Variants in LAMC1 observed in about 807,000 individuals in gnomAD.
LAMC1 encodes the protein laminin subunit gamma-1.
LAMC1 carries 38 observed loss-of-function variants against 173.6 expected under a neutral mutation model. The ratio of observed to expected loss-of-function variants is 0.22; its 90% CI spans 0.17 to 0.29. LAMC1 has a LOEUF of 0.29. Among genes scored for constraint, LAMC1 ranks in the 10% least tolerant of loss-of-function variants. LAMC1 has a pLI of 1.00. For missense variants in LAMC1, 1,824 were observed against 2,051.8 expected, an observed-to-expected ratio of 0.89 and a Z score of 2.14; for synonymous variants, 746 against 749.1, an observed-to-expected ratio of 1.00 and a Z score of 0.07.
At chr1:183,070,668 A>G (rs1434143525) in intron 1 of LAMC1, among the ~76,000 whole-genome samples, 2 of 152,206 alleles carry the variant, frequency 1.3e-5, no homozygotes, top group Non-Finnish European at 2.9e-5. Flanking sequence ...TTGGGGCTTA[A>G]GGAGAAAATA....
intron 2 of LAMC1, among the ~76,000 whole-genome samples, chr1:183,104,908 T>A (rs1474153597): frequency 7.2e-5 from 11 of 151,874 alleles, no homozygotes; most frequent in Admixed American, 7.2e-4. Flanking sequence ...ATAGCTGATT[T>A]TGATAGATGA....
At chr1:183,129,719 T>C (rs1277306295) in intron 18 of LAMC1, among the ~76,000 whole-genome samples, 3 of 152,206 alleles carry the variant, frequency 2.0e-5, no homozygotes, top group Non-Finnish European at 4.4e-5. Context: ...TATTTATCTT[T>C]TGATTTGTTA....
At chr1:183,125,184 TCACGCTAAG>T in intron 14 of LAMC1, 1 of 599,912 alleles carries the variant, frequency 1.7e-6, no homozygotes, top group Non-Finnish European at 2.9e-6. Context: ...ATGTTTTTTC[TCACGCTAAG>T]CCTTCAAAAT....
chr1:183,043,211 T>TA (rs2102016676), intron 1 of LAMC1, among the ~76,000 whole-genome samples: 1 of 152,266 alleles, frequency 6.6e-6, no homozygotes, highest in Non-Finnish European at 1.5e-5. Flanking sequence ...GGGTGTATGT[T>TA]ACATAACACC....
Position 183,128,470 on chromosome 1 carries a change from TAAA to T in LAMC1, c.3124-111_3124-109del, listed in dbSNP as rs59134708. 0.42 allele frequency: 258,492 copies of T among 612,068 alleles called. 48,840 individuals carry two copies. Among genetic ancestry groups the T allele is most frequent in the Middle Eastern group, 0.47 (923 of 1,948 alleles). The allele number at this position is 612,068 out of a possible 1,614,324, so 37.9% of individuals were successfully genotyped here. ...CTAAAACTTAAAGTATAATAATAAT[TAAA>T]AAAAAAAAAAAAGAACTACATATTC... On this transcript the variant is annotated intron_variant, in intron 17 of 27. Coordinates refer to ENST00000258341, the MANE Select transcript of LAMC1 (RefSeq NM_002293.4).
At chr1:183,026,431 A>G (rs745657589) in intron 1 of LAMC1, among the ~76,000 whole-genome samples, 2 of 151,952 alleles carry the variant, frequency 1.3e-5, no homozygotes, top group Admixed American at 1.3e-4. Context: ...TGACAAGGTT[A>G]TATGTATACA....
intron 19 of LAMC1, 24 bp from the exon 20 acceptor site, chr1:183,131,275 A>G: frequency 6.3e-7 from 1 of 1,581,680 alleles, no homozygotes; most frequent in Non-Finnish European, 8.7e-7. Flanking sequence ...TCCTTTGAGA[A>G]TAAGTGCTTT....
At chr1:183,060,339 G>T (rs1654710492) in intron 1 of LAMC1, among the ~76,000 whole-genome samples, 1 of 150,392 alleles carries the variant, frequency 6.6e-6, no homozygotes, top group African/African-American at 2.5e-5. Flanking sequence ...GATTGCTTGA[G>T]CCCAGGAGTT....
chr1:183,136,876 T>C (rs1656959851), intron 25 of LAMC1, among the ~76,000 whole-genome samples: 1 of 152,144 alleles, frequency 6.6e-6, no homozygotes, highest in African/African-American at 2.4e-5. Flanking sequence ...AAATCAGACT[T>C]TTTCTAAATA....
chr1:183,044,608 T>C (rs1048625539), intron 1 of LAMC1, among the ~76,000 whole-genome samples: 1 of 151,878 alleles, frequency 6.6e-6, no homozygotes, highest in Non-Finnish European at 1.5e-5. Context: ...TTTGGAAGGG[T>C]GTTTGGAAGA....
At chr1:183,116,541 C>A in intron 6 of LAMC1, 36 bp from the exon 7 acceptor site, 1 of 1,403,624 alleles carries the variant, frequency 7.1e-7, no homozygotes, top group Non-Finnish European at 1.0e-6. Context: ...AGTTTTCTCC[C>A]TTCTCTGATT....
intron 1 of LAMC1, among the ~76,000 whole-genome samples, chr1:183,077,076 G>C (rs1384412858): frequency 1.3e-5 from 2 of 152,196 alleles, no homozygotes; most frequent in Non-Finnish European, 2.9e-5. Context: ...ATACTTTGGA[G>C]AACAGTGTGG....
At chr1:183,124,193 A>G (rs1656556492) in intron 13 of LAMC1, among the ~76,000 whole-genome samples, 1 of 152,234 alleles carries the variant, frequency 6.6e-6, no homozygotes, top group Non-Finnish European at 1.5e-5. Context: ...TGCCTCTTAC[A>G]TTTTAAGAGA....
intron 11 of LAMC1, 108 bp from the exon 12 acceptor site, chr1:183,121,615 T>G (rs1656476306): frequency 1.1e-6 from 1 of 893,440 alleles, no homozygotes. Context: ...AGCAAATGGC[T>G]AATTTTCTCT....
chr1:183,069,176 G>A (rs1173343820), intron 1 of LAMC1, among the ~76,000 whole-genome samples: 1 of 152,094 alleles, frequency 6.6e-6, no homozygotes, highest in East Asian at 1.9e-4. Flanking sequence ...TCATTGTCAG[G>A]ACTCTGGGTC....
chr1:183,118,552 G>A (rs1005986441), intron 11 of LAMC1, among the ~76,000 whole-genome samples: 6 of 151,912 alleles, frequency 3.9e-5, no homozygotes, highest in South Asian at 2.1e-4. Context: ...GTGGAACCCC[G>A]TCTCTATTAA....
intron 1 of LAMC1, among the ~76,000 whole-genome samples, chr1:183,100,963 C>T (rs140914295): frequency 3.3e-5 from 5 of 152,308 alleles, no homozygotes; most frequent in Admixed American, 3.3e-4. Flanking sequence ...GCTTTCTGGA[C>T]ATTTTGCTAC....
intron 1 of LAMC1, among the ~76,000 whole-genome samples, chr1:183,066,607 A>G (rs1299121913): frequency 2.0e-5 from 3 of 152,222 alleles, no homozygotes; most frequent in Non-Finnish European, 2.9e-5. Context: ...CATAAACACC[A>G]TGGAATACTA....
At chr1:183,056,448 A>G (rs1412515664) in intron 1 of LAMC1, among the ~76,000 whole-genome samples, 4 of 151,962 alleles carry the variant, frequency 2.6e-5, no homozygotes, top group African/African-American at 9.7e-5. Context: ...TGGTGTGTTT[A>G]TTATCCACCA....
Sources: allele counts gnomAD v4.1 joint callset (sites outside exome capture counted in the v4.1 genomes callset), GRCh38; gene constraint gnomAD v4.1.1; transcripts MANE v1.5; gene names NCBI Gene and HGNC (gene_info 2026-07-23, HGNC 2026-07-21).